ZAR1: variants seen among roughly 807,000 people sequenced by gnomAD.
ZAR1 encodes zygote arrest protein 1.
Under a neutral mutation model 38.3 loss-of-function variants are expected in ZAR1, and 37 were observed. The ratio of observed to expected loss-of-function variants is 0.97; its 90% CI spans 0.74 to 1.27. ZAR1 has a LOEUF of 1.27. Among genes scored for constraint, ZAR1 ranks in the 50% most tolerant of loss-of-function variants. The probability of loss-of-function intolerance (pLI) is 0.00; values close to 1 mark genes in which losing one functional copy is unlikely to be tolerated. For missense variants in ZAR1, 651 were observed against 632.4 expected (o/e 1.03, Z -0.32); for synonymous variants, 336 against 292.0 (o/e 1.15, Z -1.53).
In ZAR1 at chr4:48,491,116, G is replaced by A. The variant is rs1001298472; in HGVS notation, c.825G>A (p.Arg275=). Residue 275 remains arginine (R), a synonymous_variant, in exon 1 of 4, where the codon CGG becomes CGA. Coordinates refer to ENST00000327939, the MANE Select transcript of ZAR1 (RefSeq NM_175619.3). ...REAQEGEAAP[R]SALRSPGQPP... The stretch of plus-strand genomic sequence containing the variant: ...CCCAGGAGGGCGAGGCGGCTCCGCG[G>A]TCGGCGCTAAGGAGCCCGGGGCAAC... The A allele has an allele frequency of 4.7e-6, 6 of 1,268,448 alleles. No homozygotes were observed. The highest frequency in any genetic ancestry group is 5.9e-6 in the Non-Finnish European group (6 of 1,009,060). The allele number at this position is 1,268,448 out of a possible 1,614,324, so 78.6% of individuals were successfully genotyped here.
chr4:48,496,724 T>C (rs543573201), downstream of ZAR1, among the ~76,000 whole-genome samples: 2 of 152,364 alleles, frequency 1.3e-5, no homozygotes, highest in South Asian at 4.1e-4. Flanking sequence ...TAGAAGGAAA[T>C]ACTCCAAGAT....
At chr4:48,493,526 G>A (rs1283115890) in intron 3 of ZAR1, among the ~76,000 whole-genome samples, 1 of 152,186 alleles carries the variant, frequency 6.6e-6, no homozygotes, top group Non-Finnish European at 1.5e-5. Context: ...TTGCTTAAGC[G>A]CTTGCTTGCT....
At chr4:48,497,443 G>A (rs1197350506), downstream of ZAR1, 2 of 152,578 alleles carry the variant, frequency 1.3e-5, no homozygotes, top group African/African-American at 4.8e-5. Flanking sequence ...TCAACTGAAA[G>A]GTTTGGTTGG....
At chr4:48,496,683 A>T (rs1214592034), downstream of ZAR1, among the ~76,000 whole-genome samples, 2 of 152,214 alleles carry the variant, frequency 1.3e-5, no homozygotes, top group African/African-American at 4.8e-5. Context: ...CCAAAAACTA[A>T]AAGATGTGAA....
At position 48,492,990 on chromosome 4, in the gene ZAR1, G is replaced by A. The variant is rs754055736; in HGVS notation, c.1109G>A (p.Arg370Gln). The A allele has an allele frequency of 6.8e-6, 11 of 1,614,140 alleles. No homozygotes were observed. Among genetic ancestry groups the A allele is most frequent in the Admixed American group, 5.0e-5 (3 of 60,024 alleles). ...TGTCAGAAGTCTTATAACCCTTACC[G>A]AGTGGAGGATATCACCTGTCAAGTA... ...RTCQKSYNPY[R>Q]VEDITCQSCK... The change falls in exon 3 of 4, where the codon CGA (arginine) becomes CAA (glutamine). Residue 370 changes from arginine to glutamine, a missense_variant. Coordinates refer to ENST00000327939, the MANE Select transcript of ZAR1 (RefSeq NM_175619.3).
downstream of ZAR1, chr4:48,494,505 G>A (rs1289030977): frequency 6.9e-6 from 3 of 434,880 alleles, no homozygotes; most frequent in Non-Finnish European, 1.2e-5. Flanking sequence ...GGCATAGAGT[G>A]GGCCAGGCTC....
At chr4:48,491,364 CG>C (rs1718438516) in intron 1 of ZAR1, 110 bp downstream of exon 1, 1 of 859,344 alleles carries the variant, frequency 1.2e-6, no homozygotes, top group East Asian at 3.4e-5. Context: ...CTTCCCTAAG[CG>C]TGGGCTACTT....
chr4:48,493,963 G>C, intron 3 of ZAR1, 138 bp from the exon 4 acceptor site: 1 of 1,055,466 alleles, frequency 9.5e-7, no homozygotes, highest in Non-Finnish European at 1.3e-6. Context: ...TAGGGATGTA[G>C]AGGGAAAACA....
downstream of ZAR1, among the ~76,000 whole-genome samples, chr4:48,494,644 C>T (rs1026074414): frequency 2.0e-5 from 3 of 151,856 alleles, no homozygotes; most frequent in African/African-American, 7.3e-5. Flanking sequence ...GCCTAGCGAT[C>T]GCGCCACTGC....
downstream of ZAR1, chr4:48,494,430 C>G (rs1415054273): frequency 2.7e-6 from 2 of 742,764 alleles, no homozygotes; most frequent in Non-Finnish European, 4.2e-6. Flanking sequence ...AATAAAGTTT[C>G]AAGAGCGCTT....
Position 48,490,352 on chromosome 4 carries a change from T to C in ZAR1, c.61T>C (p.Ser21Pro). ...GYVFPACPPCSYRYPYPAATK... is the reference protein window; with the variant it reads ...GYVFPACPPCPYRYPYPAATK... ...CGTGTTCCCGGCGTGCCCCCCCTGC[T>C]CGTACCGGTACCCATACCCCGCGGC... Residue 21 changes from serine (S) to proline (P), a missense_variant, in exon 1 of 4, where the codon TCG becomes CCG. Physicochemically the swap from Ser to Pro is moderately conservative, Grantham distance 74. Transcript: ENST00000327939. The C allele has an allele frequency of 6.6e-7, 1 of 1,513,736 alleles. No homozygotes were observed. Among genetic ancestry groups the C allele is most frequent in the African/African-American group, 1.4e-5 (1 of 69,382 alleles). The allele number at this position is 1,513,736 out of a possible 1,614,324, so 93.8% of individuals were successfully genotyped here. A position where few individuals can be genotyped will look rare whatever the true frequency, so the allele number is the denominator to read the frequency against.
chr4:48,491,840 G>A (rs1718453423), intron 1 of ZAR1, among the ~76,000 whole-genome samples: 1 of 152,236 alleles, frequency 6.6e-6, no homozygotes, highest in South Asian at 2.1e-4. Flanking sequence ...GAAAGCATTT[G>A]GACTGCTCAG....
At chr4:48,493,107 A>G (rs1216882438) in intron 3 of ZAR1, 95 bp downstream of exon 3, 3 of 1,151,878 alleles carry the variant, frequency 2.6e-6, no homozygotes, top group Admixed American at 2.0e-5. Flanking sequence ...CCAGGCCCCC[A>G]GACCTTAGGT....
chr4:48,494,732 T>A (rs1173974720), downstream of ZAR1, among the ~76,000 whole-genome samples: 1 of 152,024 alleles, frequency 6.6e-6, no homozygotes, highest in East Asian at 1.9e-4. Context: ...GGCATTCTTT[T>A]GGGAGAGGTG....
rs1482257392 is a variant in ZAR1 at position 48,490,458 on chromosome 4, C to T, written c.167C>T (p.Ala56Val). 17 of 1,464,762 alleles carry T rather than the reference C, an allele frequency of 1.2e-5. 1 individual carries two copies. The highest frequency in any genetic ancestry group is 1.5e-5 in the Non-Finnish European group (17 of 1,117,990). The allele number at this position is 1,464,762 out of a possible 1,614,324, so 90.7% of individuals were successfully genotyped here. ...GCLPASSPCSAGAASLSFPGC... is the reference protein window; with the variant it reads ...GCLPASSPCSVGAASLSFPGC... ...CTTCCCGCCTCCTCCCCCTGCTCGG[C>T]GGGCGCGGCCTCGTTGTCCTTCCCG... is the stretch of plus-strand genomic sequence containing the variant. Residue 56 changes from alanine to valine, a missense_variant, in exon 1 of 4, where the codon GCG (alanine) becomes GTG (valine). Coordinates refer to ENST00000327939, the MANE Select transcript of ZAR1 (RefSeq NM_175619.3).
At chr4:48,493,936 T>G (rs1718512868) in intron 3 of ZAR1, among the ~76,000 whole-genome samples, 165 bp from the exon 4 acceptor site, 1 of 152,250 alleles carries the variant, frequency 6.6e-6, no homozygotes, top group African/African-American at 2.4e-5. Context: ...TTCCTAGCCC[T>G]GTCATTGCTA....
chr4:48,492,629 G>T, intron 1 of ZAR1, 137 bp from the exon 2 acceptor site: 2 of 759,762 alleles, frequency 2.6e-6, no homozygotes, highest in Non-Finnish European at 4.6e-6. Context: ...TATTGAAGAG[G>T]CGTACCCAAA....
Position 48,490,821 on chromosome 4 carries a change from G to A in ZAR1, c.530G>A (p.Arg177His). 1 of 1,507,190 alleles carries A rather than the reference G, an allele frequency of 6.6e-7. No individual in the cohort carries two copies. Among genetic ancestry groups the A allele is most frequent in the Non-Finnish European group, 8.8e-7 (1 of 1,136,036 alleles). The allele number at this position is 1,507,190 out of a possible 1,614,324, so 93.4% of individuals were successfully genotyped here. A position where few individuals can be genotyped will look rare whatever the true frequency, so the allele number is the denominator to read the frequency against. ...NGAPRPMRFP[R>H]TVAVYSPLAL... ...GCCCCGCGGCCCATGCGCTTCCCGC[G>A]CACCGTCGCCGTGTACTCGCCCCTG... Residue 177 changes from arginine to histidine, a missense_variant, in exon 1 of 4, where the codon CGC becomes CAC. By Grantham distance (29) the Arg-to-His change is conservative (BLOSUM62 0). Transcript: ENST00000327939.
chr4:48,491,289 C>T (rs1255258005), intron 1 of ZAR1, 35 bp downstream of exon 1: 13 of 1,223,980 alleles, frequency 1.1e-5, no homozygotes, highest in Admixed American at 8.5e-5. Context: ...CAGGGGAGCC[C>T]GGGGGTGCGG....
Sources: allele counts gnomAD v4.1 joint callset (sites outside exome capture counted in the v4.1 genomes callset), GRCh38; gene constraint gnomAD v4.1.1; transcripts MANE v1.5; gene names NCBI Gene and HGNC (gene_info 2026-07-23, HGNC 2026-07-21).